CADPS: variants seen among roughly 807,000 people sequenced by gnomAD.
The protein encoded by CADPS is calcium-dependent secretion activator 1.
A neutral mutation model predicts 167.3 loss-of-function variants in CADPS; 57 were observed. The ratio of observed to expected loss-of-function variants is 0.34; its 90% CI spans 0.28 to 0.42. The LOEUF (loss-of-function observed/expected upper bound fraction) is 0.42. Ranked by LOEUF, CADPS falls within the 20% of genes least tolerant of loss-of-function variation. The pLI, the probability that CADPS is intolerant of heterozygous loss-of-function variation, is 1.00. For missense variants in CADPS, 1,414 were observed against 1,738.1 expected (o/e 0.81, Z 3.32); for synonymous variants, 676 against 635.3 (o/e 1.06, Z -0.96).
intron 3 of CADPS, among the ~76,000 whole-genome samples, chr3:62,670,134 G>A (rs1252017282): frequency 6.6e-6 from 1 of 152,136 alleles, no homozygotes; most frequent in Non-Finnish European, 1.5e-5. Flanking sequence ...ATCTACAGCT[G>A]CTGCACTAAA....
chr3:62,815,017 A>C (rs1445506743), intron 1 of CADPS, among the ~76,000 whole-genome samples: 2 of 152,166 alleles, frequency 1.3e-5, no homozygotes, highest in African/African-American at 4.8e-5. Flanking sequence ...ATTCTTTTGA[A>C]ATTGTTCTGT....
chr3:62,805,406 C>G (rs2094029757), intron 1 of CADPS, among the ~76,000 whole-genome samples: 1 of 152,168 alleles, frequency 6.6e-6, no homozygotes. Flanking sequence ...CCTTTGATCA[C>G]TCCATTAGGA....
chr3:62,653,891 TA>T (rs758790777), intron 4 of CADPS, among the ~76,000 whole-genome samples: 1 of 152,150 alleles, frequency 6.6e-6, no homozygotes, highest in Non-Finnish European at 1.5e-5. Flanking sequence ...GTCCTGCTTT[TA>T]AGACTGGGCT....
At chr3:62,763,388 G>T (rs531414929) in intron 2 of CADPS, among the ~76,000 whole-genome samples, 3 of 152,320 alleles carry the variant, frequency 2.0e-5, no homozygotes, top group Non-Finnish European at 2.9e-5. Context: ...GTCGAGAGGT[G>T]GGGGGAAGAT....
At chr3:62,841,535 G>C (rs2076647120) in intron 1 of CADPS, among the ~76,000 whole-genome samples, 1 of 152,158 alleles carries the variant, frequency 6.6e-6, no homozygotes, top group Non-Finnish European at 1.5e-5. Context: ...AGGCAACATG[G>C]CAAAACCTTG....
chr3:62,561,506 G>A (rs2079159752), intron 9 of CADPS, among the ~76,000 whole-genome samples: 1 of 151,842 alleles, frequency 6.6e-6, no homozygotes, highest in Non-Finnish European at 1.5e-5. Context: ...CTGGGCTCAA[G>A]TGATCTTCGC....
At chr3:62,761,477 A>G (rs1052732928) in intron 2 of CADPS, among the ~76,000 whole-genome samples, 2 of 152,146 alleles carry the variant, frequency 1.3e-5, no homozygotes, top group Non-Finnish European at 2.9e-5. Flanking sequence ...AAGTTCAGAC[A>G]TCAGATGCAG....
chr3:62,662,634 A>C (rs993017232), intron 3 of CADPS, among the ~76,000 whole-genome samples: 2 of 152,182 alleles, frequency 1.3e-5, no homozygotes, highest in African/African-American at 2.4e-5. Context: ...AAGAATCATC[A>C]ATCTCTTCTG....
rs540804789 is a variant in CADPS, at chr3:62,415,831, G to A, written c.3778-12646C>T. Among the ~76,000 whole-genome samples the A allele has an allele frequency of 6.6e-5, 10 of 152,296 alleles. No individual in the cohort carries two copies. The South Asian group carries it at 1.9e-3, about 28-fold the overall frequency. ...TTGGGGTAGCGGATGGCAATGCGAA[G>A]TGACAAGTTTTATGGGGGAAGTTGG... On this transcript the variant is annotated intron_variant, in intron 28 of 29. Transcript: ENST00000383710.
intron 3 of CADPS, among the ~76,000 whole-genome samples, chr3:62,709,900 G>A (rs768983227): frequency 1.4e-4 from 22 of 151,784 alleles, no homozygotes; most frequent in Non-Finnish European, 2.8e-4. Context: ...CTCCCGAGTG[G>A]CTGGGATTAC....
intron 1 of CADPS, among the ~76,000 whole-genome samples, chr3:62,795,516 C>T (rs1445158462): frequency 6.6e-6 from 1 of 152,150 alleles, no homozygotes; most frequent in Admixed American, 6.6e-5. Context: ...ATTCTTCAGA[C>T]CGTTCTTGTT....
At chr3:62,691,053 T>C (rs1457354360) in intron 3 of CADPS, among the ~76,000 whole-genome samples, 1 of 152,026 alleles carries the variant, frequency 6.6e-6, no homozygotes, top group Admixed American at 6.5e-5. Flanking sequence ...TACATGTTGC[T>C]GAGTGAGGAA....
At chr3:62,869,855 C>G (rs577405133) in intron 1 of CADPS, among the ~76,000 whole-genome samples, 1 of 152,258 alleles carries the variant, frequency 6.6e-6, no homozygotes, top group African/African-American at 2.4e-5. Context: ...GTCCCCAAAT[C>G]ACAGATGCTG....
At chr3:62,437,377 T>A (rs1464565154) in intron 28 of CADPS, among the ~76,000 whole-genome samples, 1 of 151,248 alleles carries the variant, frequency 6.6e-6, no homozygotes, top group Non-Finnish European at 1.5e-5. Flanking sequence ...CCTCAGTGGC[T>A]TGCTTTGCTG....
chr3:62,642,344 G>T (rs956636569), intron 6 of CADPS, among the ~76,000 whole-genome samples: 1 of 152,298 alleles, frequency 6.6e-6, no homozygotes, highest in East Asian at 1.9e-4. Flanking sequence ...CAGGAAAAGG[G>T]CTAAGCTTGT....
chr3:62,821,373 T>C (rs1302684963), intron 1 of CADPS, among the ~76,000 whole-genome samples: 2 of 152,244 alleles, frequency 1.3e-5, no homozygotes, highest in South Asian at 2.1e-4. Flanking sequence ...AACAGAAATA[T>C]ATTATTTTGC....
At chr3:62,658,311 T>C (rs1440346196) in intron 4 of CADPS, among the ~76,000 whole-genome samples, 1 of 152,068 alleles carries the variant, frequency 6.6e-6, no homozygotes, top group African/African-American at 2.4e-5. Context: ...GACTGACACA[T>C]TTAATAAAGG....
chr3:62,524,606 C>T (rs1465593583), intron 13 of CADPS, among the ~76,000 whole-genome samples: 1 of 152,154 alleles, frequency 6.6e-6, no homozygotes, highest in Non-Finnish European at 1.5e-5. Context: ...GACTTATTTA[C>T]AGTTCTCCTA....
At chr3:62,728,566 T>C (rs2077171885) in intron 3 of CADPS, among the ~76,000 whole-genome samples, 1 of 151,890 alleles carries the variant, frequency 6.6e-6, no homozygotes, top group Non-Finnish European at 1.5e-5. Context: ...CATTGAAAAC[T>C]AGAGCTGGAG....
Sources: gnomAD v4.1 joint callset for allele counts (sites outside exome capture counted in the v4.1 genomes callset) on GRCh38, gnomAD v4.1.1 for gene constraint, MANE v1.5 for transcripts, NCBI Gene and HGNC (gene_info 2026-07-23, HGNC 2026-07-21) for gene names.